Variants in CEACAM19 observed in about 807,000 individuals in gnomAD.
CEACAM19 encodes CEA cell adhesion molecule 19.
CEACAM19 carries 37 observed loss-of-function variants against 37.6 expected under a neutral mutation model. The ratio of observed to expected loss-of-function variants is 0.98; its 90% CI spans 0.76 to 1.29. The LOEUF (loss-of-function observed/expected upper bound fraction) is 1.29. Ranked by LOEUF, CEACAM19 falls within the 50% of genes most tolerant of loss-of-function variation. CEACAM19 has a pLI of 0.00. For missense variants in CEACAM19, 340 were observed against 375.6 expected, an observed-to-expected ratio of 0.91 and a Z score of 0.78; for synonymous variants, 140 against 149.8, an observed-to-expected ratio of 0.93 and a Z score of 0.48.
chr19:44,679,516 G>A (rs556900544), intron 4 of CEACAM19, among the ~76,000 whole-genome samples: 3 of 152,260 alleles, frequency 2.0e-5, no homozygotes, highest in East Asian at 1.9e-4. Flanking sequence ...TTGGGAGGCC[G>A]AGGCTGGCGG....
chr19:44,669,304 T>C (rs1429019509), upstream of CEACAM19, among the ~76,000 whole-genome samples: 1 of 152,052 alleles, frequency 6.6e-6, no homozygotes, highest in Non-Finnish European at 1.5e-5. Context: ...ATTTGTTTTG[T>C]GTAAAGTTGG....
chr19:44,666,486 A>G (rs868025352), upstream of CEACAM19, among the ~76,000 whole-genome samples: 31 of 152,340 alleles, frequency 2.0e-4, no homozygotes, highest in African/African-American at 6.5e-4. Flanking sequence ...CCTGGCCAAC[A>G]TGGTGAAACC....
At chr19:44,669,635 T>C (rs1973823346), upstream of CEACAM19, among the ~76,000 whole-genome samples, 1 of 152,080 alleles carries the variant, frequency 6.6e-6, no homozygotes, top group Non-Finnish European at 1.5e-5. Flanking sequence ...CCTTGATGAC[T>C]ATCTCAGCCT....
intron 3 of CEACAM19, 30 bp from the exon 4 acceptor site, chr19:44,678,823 C>A (rs200616815): frequency 6.2e-7 from 1 of 1,610,224 alleles, no homozygotes; most frequent in Non-Finnish European, 8.5e-7. Context: ...TGCTTTATTC[C>A]AATTTTCTTC....
At chr19:44,673,713 T>A (rs954317143) in intron 2 of CEACAM19, 1 of 152,168 alleles carries the variant, frequency 6.6e-6, no homozygotes. Context: ...ATTTTACAGA[T>A]TGAAAAATGG....
chr19:44,682,715 G>A, intron 7 of CEACAM19, 95 bp downstream of exon 7: 3 of 1,193,430 alleles, frequency 2.5e-6, no homozygotes, highest in Non-Finnish European at 3.5e-6. Context: ...CTGAAACTGG[G>A]GGCTTTCCTC....
At position 44,676,332 on chromosome 19, in the gene CEACAM19, C is replaced by G. The variant is rs1222321099; in HGVS notation, c.486C>G (p.Thr162=). ...CCAACGCTGGGATCCTGGCGGCCAC[C>G]ATCATTGGATCTCTTGCTGCCGGGG... The part of the protein sequence containing the change: ...LPTNAGILAA[T]IIGSLAAGAL... The change falls in exon 3 of 8, where the codon ACC becomes ACG. Residue 162 remains threonine, a synonymous_variant. Coordinates refer to ENST00000358777, the MANE Select transcript of CEACAM19 (RefSeq NM_001127893.3). The G allele has an allele frequency of 1.2e-6, 2 of 1,614,010 alleles. No individual in the cohort carries two copies. Among genetic ancestry groups the G allele is most frequent in the Non-Finnish European group, 1.7e-6 (2 of 1,180,044 alleles).
chr19:44,667,820 TAA>T (rs1339203978), upstream of CEACAM19, among the ~76,000 whole-genome samples: 1 of 74,276 alleles, frequency 1.3e-5, no homozygotes, highest in Non-Finnish European at 2.3e-5. Context: ...ATATTATATA[TAA>T]ATTATATATT....
At chr19:44,682,533 C>G (rs374734010) in intron 6 of CEACAM19, 34 bp from the exon 7 acceptor site, 14 of 1,567,034 alleles carry the variant, frequency 8.9e-6, no homozygotes, top group African/African-American at 1.4e-5. Context: ...TGGGGGGTGC[C>G]GAGCGCCCAC....
upstream of CEACAM19, among the ~76,000 whole-genome samples, chr19:44,670,046 G>A (rs114222690): frequency 3.9e-3 from 599 of 152,178 alleles, 8 homozygotes; most frequent in African/African-American, 0.014. Context: ...GCTAAGCCAG[G>A]TATGGTGAGT....
intron 3 of CEACAM19, chr19:44,677,457 G>GGA (rs1296998242): frequency 1.3e-5 from 2 of 151,228 alleles, no homozygotes; most frequent in African/African-American, 4.9e-5. Context: ...GAGAGAGAGA[G>GGA]GAGAGAGAGG....
chr19:44,672,423 C>T (rs1973871360), intron 1 of CEACAM19, 173 bp from the exon 2 acceptor site: 1 of 667,564 alleles, frequency 1.5e-6, no homozygotes, highest in East Asian at 2.9e-5. Context: ...GTAACCATGC[C>T]TGTGTTCCCA....
chr19:44,672,639 T>C lies in CEACAM19; in HGVS notation c.99T>C (p.Ala33=). ...VLWMLQGSQA[A]LYIQKIPEQP... ...GGATGCTCCAAGGCTCCCAGGCAGC[T>C]CTCTACATCCAGAAGATTCCAGAGC... The change falls in exon 2 of 8, where the codon GCT becomes GCC. Residue 33 remains alanine (A), a synonymous_variant. Transcript: ENST00000358777. 6.7e-7 allele frequency: 1 copy of C among 1,496,862 alleles called. No individual in the cohort carries two copies. The highest frequency in any genetic ancestry group is 8.9e-7 in the Non-Finnish European group (1 of 1,121,776). 92.7% of individuals were successfully genotyped at this position (1,496,862 alleles called of 1,614,324 possible).
upstream of CEACAM19, among the ~76,000 whole-genome samples, chr19:44,668,676 T>TA (rs1489070558): frequency 1.3e-5 from 1 of 75,180 alleles, no homozygotes; most frequent in Non-Finnish European, 2.3e-5. Context: ...TATACATATA[T>TA]TATATATTAT....
chr19:44,676,154 T>C (rs1973943989), intron 2 of CEACAM19, 117 bp from the exon 3 acceptor site: 8 of 1,049,940 alleles, frequency 7.6e-6, no homozygotes, highest in Non-Finnish European at 9.6e-6. Flanking sequence ...GGGCTGGAAA[T>C]AGGAAACTGC....
chr19:44,673,074 C>A, intron 2 of CEACAM19, 110 bp downstream of exon 2: 1 of 908,934 alleles, frequency 1.1e-6, no homozygotes, highest in Non-Finnish European at 1.5e-6. Context: ...CATTTATTCA[C>A]TTGACACATA....
chr19:44,670,742 T>C (rs1973839570), upstream of CEACAM19, among the ~76,000 whole-genome samples: 1 of 134,566 alleles, frequency 7.4e-6, no homozygotes, highest in Non-Finnish European at 1.5e-5. Context: ...AGACAACCAA[T>C]GTTCATGAAT....
At position 44,671,964 on chromosome 19, in the gene CEACAM19, C is replaced by T; in HGVS notation, c.33C>T (p.Phe11=). Residue 11 remains phenylalanine, a synonymous_variant, in exon 1 of 8, where the codon TTC becomes TTT. Transcript: ENST00000358777. ...TTCCCATGGGGACCCAGGGCTGCTT[C>T]TCAAAGAGCCTCCTGCTCTCAGGTA... MEIPMGTQGC[F]SKSLLLSASI... 1 of 1,606,484 alleles carries T rather than the reference C, an allele frequency of 6.2e-7. No homozygotes were observed. The highest frequency in any genetic ancestry group is 8.5e-7 in the Non-Finnish European group (1 of 1,176,690).
In CEACAM19 at chr19:44,672,644, A is replaced by T. The variant is rs1188578199; in HGVS notation, c.104A>T (p.Tyr35Phe). 6.6e-7 allele frequency: 1 copy of T among 1,505,608 alleles called. No individual in the cohort carries two copies. The highest frequency in any genetic ancestry group is 1.4e-5 in the African/African-American group (1 of 71,086). The allele number at this position is 1,505,608 out of a possible 1,614,324, so 93.3% of individuals were successfully genotyped here. A position where few individuals can be genotyped will look rare whatever the true frequency, so the allele number is the denominator to read the frequency against. The change falls in exon 2 of 8, where the codon TAC (tyrosine) becomes TTC (phenylalanine). Residue 35 changes from tyrosine (Y) to phenylalanine (F), a missense_variant. Transcript: ENST00000358777. ...WMLQGSQAAL[Y>F]IQKIPEQPQK... Reference sequence around the variant, plus strand: ...CTCCAAGGCTCCCAGGCAGCTCTCTACATCCAGAAGATTCCAGAGCAGCCT... The same window carrying T: ...CTCCAAGGCTCCCAGGCAGCTCTCTTCATCCAGAAGATTCCAGAGCAGCCT...
Sources: gnomAD v4.1 joint callset for allele counts (sites outside exome capture counted in the v4.1 genomes callset) on GRCh38, gnomAD v4.1.1 for gene constraint, MANE v1.5 for transcripts, NCBI Gene and HGNC (gene_info 2026-07-23, HGNC 2026-07-21) for gene names.